IFNGR2: variants seen among roughly 807,000 people sequenced by gnomAD.
The protein encoded by IFNGR2 is IFN-gamma receptor 2.
In IFNGR2, 15 loss-of-function variants were observed where a neutral mutation model predicts 41.1. The observed-to-expected ratio is 0.37, with a 90% confidence interval of 0.24 to 0.56. The LOEUF (loss-of-function observed/expected upper bound fraction) is 0.56, where lower values mean the gene tolerates loss of function less well. Ranked by LOEUF, IFNGR2 falls within the 20% of genes least tolerant of loss-of-function variation. The pLI is 0.81. For missense variants in IFNGR2, 362 were observed against 415.7 expected (o/e 0.87, Z 1.12); for synonymous variants, 161 against 171.6 (o/e 0.94, Z 0.48).
At chr21:33,436,609 C>G (rs2083953802) in intron 6 of IFNGR2, among the ~76,000 whole-genome samples, 1 of 151,620 alleles carries the variant, frequency 6.6e-6, no homozygotes, top group African/African-American at 2.4e-5. Context: ...GTAGTCCCAG[C>G]TACTTGGAGG....
At chr21:33,419,609 G>A (rs1194172892) in intron 2 of IFNGR2, among the ~76,000 whole-genome samples, 1 of 152,080 alleles carries the variant, frequency 6.6e-6, no homozygotes, top group Admixed American at 6.6e-5. Context: ...TTCATTATGT[G>A]ACATATCACA....
chr21:33,403,704 G>A, intron 1 of IFNGR2, 88 bp downstream of exon 1: 2 of 705,940 alleles, frequency 2.8e-6, no homozygotes, highest in Non-Finnish European at 3.8e-6. Context: ...GGGGTGGGGG[G>A]AATCTGCCGG....
chr21:33,415,077 C>T (rs2083744858), intron 2 of IFNGR2, 57 bp downstream of exon 2: 1 of 1,601,496 alleles, frequency 6.2e-7, no homozygotes, highest in Admixed American at 1.7e-5. Context: ...TCGTGCGGAA[C>T]CCTGGGGCCA....
chr21:33,411,332 C>G (rs765195459), intron 1 of IFNGR2: 1 of 409,164 alleles, frequency 2.4e-6, no homozygotes, highest in African/African-American at 2.1e-5. Context: ...TCGCCACCCA[C>G]CCCGGAGCCC....
rs2083851840 is a variant in IFNGR2 at position 33,427,841 on chromosome 21, C to CTTTTTTTTTTTTTTTTTTTTT, written c.561+809_561+810insTTTTTTTTTTTTTTTTTTTTT. On this transcript the variant is annotated intron_variant, in intron 4 of 6. Transcript: ENST00000290219. ...GAATTTTAGATACTTCATCTCATTT[C>CTTTTTTTTTTTTTTTTTTTTT]ATCTTTTTTTTTTTTTTTTTTTTGA... Among the ~76,000 whole-genome samples the CTTTTTTTTTTTTTTTTTTTTT allele has an allele frequency of 2.6e-5, 3 of 116,920 alleles. 1 individual carries two copies. Among genetic ancestry groups the CTTTTTTTTTTTTTTTTTTTTT allele is most frequent in the African/African-American group, 6.8e-5 (2 of 29,316 alleles). The allele number at this position is 116,920 out of a possible 152,430, so 76.7% of individuals were successfully genotyped here.
intron 3 of IFNGR2, among the ~76,000 whole-genome samples, chr21:33,422,991 G>C (rs2083805939): frequency 6.7e-6 from 1 of 149,378 alleles, no homozygotes; most frequent in Non-Finnish European, 1.5e-5. Flanking sequence ...AGTTGATTCA[G>C]TTGGGTAATT....
chr21:33,425,061 C>T (rs547046655), intron 3 of IFNGR2, among the ~76,000 whole-genome samples: 1 of 152,142 alleles, frequency 6.6e-6, no homozygotes, highest in Non-Finnish European at 1.5e-5. Context: ...TGGCATGCAC[C>T]ACCATGCCCC....
rs1412938365 is a variant in IFNGR2, at chr21:33,437,263, C to T, written c.*301C>T. 1.2e-5 allele frequency: 4 copies of T among 343,688 alleles called. No individual in the cohort carries two copies. The highest frequency in any genetic ancestry group is 2.2e-5 in the Non-Finnish European group (4 of 182,406). 21.3% of individuals were successfully genotyped at this position (343,688 alleles called of 1,614,324 possible). ...TGTTAGCAAAATGGATATGACACATCTCTGATACTTTTTTCATTATTGGTT... is the reference window on the plus strand; with the variant it reads ...TGTTAGCAAAATGGATATGACACATTTCTGATACTTTTTTCATTATTGGTT... On this transcript the variant is annotated 3_prime_UTR_variant, in exon 7 of 7. Transcript: ENST00000290219.
Position 33,432,178 on chromosome 21 carries a change from T to C in IFNGR2, c.563T>C (p.Val188Ala). Residue 188 changes from valine to alanine, a missense_variant and splice_region_variant, in exon 5 of 7, where the codon GTC becomes GCC. Val to Ala is a moderately conservative substitution (Grantham distance 64). Transcript: ENST00000290219. ...HYWEKGGIQQVKGPFRSNSIS... is the reference protein window; with the variant it reads ...HYWEKGGIQQAKGPFRSNSIS... ...GTGCTTGTGATGTTTTTAAAACAGG[T>C]CAAAGGCCCTTTCAGAAGCAACTCC... 6.2e-7 allele frequency: 1 copy of C among 1,613,990 alleles called. No homozygotes were observed.
intron 1 of IFNGR2, among the ~76,000 whole-genome samples, chr21:33,406,381 A>G (rs1239569613): frequency 6.6e-6 from 1 of 152,082 alleles, no homozygotes; most frequent in Non-Finnish European, 1.5e-5. Context: ...TCTCAAAAAA[A>G]GAAAAAAAAA....
chr21:33,406,613 C>A (rs1278830453), intron 1 of IFNGR2, among the ~76,000 whole-genome samples: 1 of 140,508 alleles, frequency 7.1e-6, no homozygotes, highest in Non-Finnish European at 1.5e-5. Context: ...TTTGAAATTG[C>A]TTTTATGGTC....
Position 33,420,167 on chromosome 21 carries a change from A to G in IFNGR2, c.207-1313A>G, listed in dbSNP as rs535369457. 1.5e-4 allele frequency among the ~76,000 whole-genome samples: 23 copies of G among 152,248 alleles called. No individual in the cohort carries two copies. The East Asian group carries it at 4.4e-3, about 29-fold the overall frequency. ...CCCTTGCAACTTAAGCGGAAGATGC[A>G]TCTTGGAGAGGGTCGGAGGTACAGT... On this transcript the variant is annotated intron_variant, in intron 2 of 6. Transcript: ENST00000290219.
intron 6 of IFNGR2, among the ~76,000 whole-genome samples, chr21:33,436,086 A>AACAAATT (rs1386028923): frequency 1.3e-5 from 2 of 151,330 alleles, no homozygotes; most frequent in Non-Finnish European, 2.9e-5. Context: ...TGCCGGGTGC[A>AACAAATT]GTGGCTCACA....
At chr21:33,415,698 G>A (rs1432109261) in intron 2 of IFNGR2, among the ~76,000 whole-genome samples, 1 of 152,242 alleles carries the variant, frequency 6.6e-6, no homozygotes, top group Non-Finnish European at 1.5e-5. Flanking sequence ...GATGTCCAGT[G>A]CTTGTGAGAT....
chr21:33,417,053 G>C (rs1383178380), intron 2 of IFNGR2, among the ~76,000 whole-genome samples: 1 of 150,330 alleles, frequency 6.7e-6, no homozygotes, highest in Non-Finnish European at 1.5e-5. Flanking sequence ...CTGTGTAGCT[G>C]GGATTACAAG....
At chr21:33,436,747 T>TA in intron 6 of IFNGR2, 81 bp from the exon 7 acceptor site, 9 of 1,136,700 alleles carry the variant, frequency 7.9e-6, no homozygotes, top group Non-Finnish European at 1.0e-5. Flanking sequence ...AAAAATAAAA[T>TA]AAAAACAAAA....
chr21:33,432,772 G>T lies in IFNGR2; in HGVS notation c.780G>T (p.Ser260=), dbSNP rs121913217. The T allele has an allele frequency of 6.2e-7, 1 of 1,614,030 alleles. No individual in the cohort carries two copies. The highest frequency in any genetic ancestry group is 2.2e-5 in the East Asian group (1 of 44,884). The change falls in exon 6 of 7, where the codon TCG becomes TCT. Residue 260 remains serine, a synonymous_variant. Coordinates refer to ENST00000290219, the MANE Select transcript of IFNGR2 (RefSeq NM_005534.4). ...CCGTGGGAACATTTTCGTTGCTGTC[G>T]GTGCTGGCAGGAGCCTGTTTCTTCC... ...LISVGTFSLL[S]VLAGACFFLV...
intron 1 of IFNGR2, among the ~76,000 whole-genome samples, chr21:33,412,713 G>T (rs982931727): frequency 1.3e-5 from 2 of 152,126 alleles, no homozygotes; most frequent in African/African-American, 4.8e-5. Context: ...GTGCCACCAT[G>T]CCTGGCTAAT....
intron 2 of IFNGR2, among the ~76,000 whole-genome samples, chr21:33,420,276 T>G (rs2083782868): frequency 6.6e-6 from 1 of 152,170 alleles, no homozygotes; most frequent in South Asian, 2.1e-4. Flanking sequence ...CCCATGGCCT[T>G]GCTTTCTGGG....
Sources: allele counts gnomAD v4.1 joint callset (sites outside exome capture counted in the v4.1 genomes callset), GRCh38; gene constraint gnomAD v4.1.1; transcripts MANE v1.5; gene names NCBI Gene and HGNC (gene_info 2026-07-23, HGNC 2026-07-21).